The following CSMD3 variants were observed in gnomAD, a reference collection of about 807,000 sequenced individuals.
CSMD3 encodes the protein CUB and sushi domain-containing protein 3.
CSMD3 carries 177 observed loss-of-function variants against 435.2 expected under a neutral mutation model. That is an observed-to-expected ratio of 0.41 (90% CI 0.36 to 0.46). The LOEUF is 0.46. Ranked by LOEUF, CSMD3 falls within the 20% of genes least tolerant of loss-of-function variation. The probability of loss-of-function intolerance (pLI) is 0.34; values close to 1 mark genes in which losing one functional copy is unlikely to be tolerated. For synonymous variants in CSMD3, 1,656 were observed against 1,520.5 expected (o/e 1.09, Z -2.07); for missense variants, 4,265 against 4,504.6 (o/e 0.95, Z 1.52).
Position 112,367,006 on chromosome 8 carries a change from C to G in CSMD3, c.6136+13346G>C, listed in dbSNP as rs1827846007. On this transcript the variant is annotated intron_variant, in intron 38 of 70. Coordinates refer to ENST00000297405, the MANE Select transcript of CSMD3 (RefSeq NM_198123.2). ...AATTTTTCTATAATTCAATTTTTCT[C>G]TAAACCTTTTGTAGTCCCTTCATAT... Among the ~76,000 whole-genome samples, 3 of 152,066 alleles carry G rather than the reference C, an allele frequency of 2.0e-5. 1 individual carries two copies. The highest frequency in any genetic ancestry group is 6.9e-3 in the Middle Eastern group (2 of 290).
At chr8:112,987,875 C>T (rs2085311904) in intron 6 of CSMD3, among the ~76,000 whole-genome samples, 1 of 151,802 alleles carries the variant, frequency 6.6e-6, no homozygotes, top group South Asian at 2.1e-4. Context: ...GTTTTTGTTT[C>T]CTGAGAGTCT....
Position 113,032,148 on chromosome 8 carries a change from T to TC in CSMD3, c.918-12970_918-12969insG, listed in dbSNP as rs1422357739. ...TGTGATAACAGACTAATACAGAGAG[T>TC]TGGTACTAGTAGAGCGAGTTACTCC... is the stretch of plus-strand genomic sequence containing the variant. On this transcript the variant is annotated intron_variant, in intron 5 of 70. Coordinates refer to ENST00000297405, the MANE Select transcript of CSMD3 (RefSeq NM_198123.2). Among the ~76,000 whole-genome samples the TC allele has an allele frequency of 2.6e-5, 4 of 151,478 alleles. No homozygotes were observed. In the East Asian group the frequency reaches 7.7e-4, roughly 29 times the overall value.
chr8:112,770,909 G>T (rs1346702283), intron 13 of CSMD3, among the ~76,000 whole-genome samples: 1 of 151,800 alleles, frequency 6.6e-6, no homozygotes, highest in East Asian at 1.9e-4. Flanking sequence ...TGTAAACTAG[G>T]ATTTTCAAAC....
chr8:113,346,775 T>C (rs909551683), intron 1 of CSMD3, among the ~76,000 whole-genome samples: 4 of 152,134 alleles, frequency 2.6e-5, no homozygotes, highest in Non-Finnish European at 4.4e-5. Context: ...TGAATGACCA[T>C]GAATAATGCT....
intron 13 of CSMD3, among the ~76,000 whole-genome samples, chr8:112,753,569 C>T (rs1362982577): frequency 6.6e-6 from 1 of 152,098 alleles, no homozygotes; most frequent in East Asian, 1.9e-4. Flanking sequence ...GTTTCAGGAG[C>T]CTCTATATGC....
intron 27 of CSMD3, among the ~76,000 whole-genome samples, chr8:112,544,058 G>T (rs771747776): frequency 3.3e-5 from 5 of 152,068 alleles, no homozygotes; most frequent in African/African-American, 4.8e-5. Flanking sequence ...GTTTTTTCCA[G>T]GGGCTTAGGG....
chr8:113,146,441 C>T (rs1157224126), intron 4 of CSMD3, among the ~76,000 whole-genome samples: 4 of 151,532 alleles, frequency 2.6e-5, no homozygotes, highest in Non-Finnish European at 5.9e-5. Context: ...TTGATTTACA[C>T]TCTAGCTCAA....
intron 10 of CSMD3, among the ~76,000 whole-genome samples, chr8:112,860,328 G>C (rs1421569967): frequency 6.6e-6 from 1 of 151,620 alleles, no homozygotes; most frequent in Non-Finnish European, 1.5e-5. Context: ...TGATTTAATA[G>C]TTACAGTACT....
intron 31 of CSMD3, among the ~76,000 whole-genome samples, chr8:112,490,743 C>G (rs771434322): frequency 5.3e-5 from 8 of 151,818 alleles, no homozygotes; most frequent in Non-Finnish European, 1.0e-4. Context: ...AAGTTATTTT[C>G]TATGTTTAAT....
At chr8:112,924,066 G>C (rs1366554759) in intron 9 of CSMD3, among the ~76,000 whole-genome samples, 3 of 152,150 alleles carry the variant, frequency 2.0e-5, no homozygotes, top group African/African-American at 7.2e-5. Flanking sequence ...GAAGCAATTA[G>C]GGGTTGTGGT....
chr8:112,555,845 G>T (rs1034507289), intron 25 of CSMD3, among the ~76,000 whole-genome samples: 1 of 151,886 alleles, frequency 6.6e-6, no homozygotes, highest in Non-Finnish European at 1.5e-5. Flanking sequence ...AAGTCAAATT[G>T]CACATTAAAT....
At chr8:112,349,516 A>T (rs1825958697) in intron 40 of CSMD3, among the ~76,000 whole-genome samples, 2 of 152,062 alleles carry the variant, frequency 1.3e-5, no homozygotes, top group Admixed American at 6.6e-5. Flanking sequence ...AGCAGAAAAA[A>T]ACATATTTAT....
intron 12 of CSMD3, among the ~76,000 whole-genome samples, chr8:112,827,160 CATAAATAT>C (rs1281718964): frequency 0.015 from 569 of 38,668 alleles, 35 homozygotes; most frequent in African/African-American, 0.042. Flanking sequence ...ACTAGGTTAC[CATAAATAT>C]ATATATATAT....
rs781461013 is a variant in CSMD3, at chr8:112,289,420, T to C, written c.9093A>G (p.Ser3031=). Residue 3031 remains serine, a synonymous_variant, in exon 57 of 71, where the codon TCA becomes TCG. Transcript: ENST00000297405. ...CTGKRSLLGQ[S]SRTCQLNGHW... is the part of the protein sequence containing the mutation. ...GGCCATTCAATTGGCAGGTTCTTGA[T>C]GACTGGCCTAAAAGGGAACGCTTTC... is the stretch of plus-strand genomic sequence containing the variant. 5 of 1,613,506 alleles carry C rather than the reference T, an allele frequency of 3.1e-6. No homozygotes were observed. The highest frequency in any genetic ancestry group is 4.2e-6 in the Non-Finnish European group (5 of 1,179,616).
rs1322099621 is a variant in CSMD3 at position 113,030,381 on chromosome 8, T to C, written c.918-11202A>G. Among the ~76,000 whole-genome samples, 7 of 112,052 alleles carry C rather than the reference T, an allele frequency of 6.2e-5. No individual in the cohort carries two copies. In the East Asian group the frequency reaches 1.0e-3, roughly 16 times the overall value. The allele number at this position is 112,052 out of a possible 152,430, so 73.5% of individuals were successfully genotyped here. On this transcript the variant is annotated intron_variant, in intron 5 of 70. Transcript: ENST00000297405. ...AACACTACCTGATTTCAAACTACAG[T>C]ATAAGGCCATAGTCACCAAAACACT...
At chr8:113,116,552 C>T (rs750921600) in intron 4 of CSMD3, among the ~76,000 whole-genome samples, 5 of 152,026 alleles carry the variant, frequency 3.3e-5, no homozygotes, top group South Asian at 4.1e-4. Context: ...GTACAGGGAG[C>T]GGGGCACTTA....
intron 37 of CSMD3, among the ~76,000 whole-genome samples, chr8:112,383,304 T>C (rs1178816746): frequency 6.6e-6 from 1 of 152,062 alleles, no homozygotes; most frequent in African/African-American, 2.4e-5. Flanking sequence ...GAACCCTAAC[T>C]CAGCTGAAAA....
chr8:112,598,435 C>A, intron 22 of CSMD3, among the ~76,000 whole-genome samples: 1 of 148,278 alleles, frequency 6.7e-6, no homozygotes, highest in East Asian at 2.0e-4. Flanking sequence ...TGAAAATGGC[C>A]ATACTGCCCA....
rs1291439976 is a variant in CSMD3 at position 112,897,682 on chromosome 8, CTCTCTCTCTCTCTG to C, written c.1633+23931_1633+23944del. Among the ~76,000 whole-genome samples, 193 of 87,090 alleles carry C rather than the reference CTCTCTCTCTCTCTG, an allele frequency of 2.2e-3. 3 individuals are homozygous for C. The highest frequency in any genetic ancestry group is 8.0e-3 in the African/African-American group (189 of 23,720). 57.1% of individuals were successfully genotyped at this position (87,090 alleles called of 152,430 possible). ...ATACTATTTCTCTCTCTCTCTCTCTCTCTCTCTCTCTCTGTGTGTGTGTGTGTGTGTGTGTGTGT... is the reference window on the plus strand; with the variant it reads ...ATACTATTTCTCTCTCTCTCTCTCTCTGTGTGTGTGTGTGTGTGTGTGTGT... On this transcript the variant is annotated intron_variant, in intron 10 of 70. Coordinates refer to ENST00000297405, the MANE Select transcript of CSMD3 (RefSeq NM_198123.2).
Sources: gnomAD v4.1 joint callset for allele counts (sites outside exome capture counted in the v4.1 genomes callset) on GRCh38, gnomAD v4.1.1 for gene constraint, MANE v1.5 for transcripts, NCBI Gene and HGNC (gene_info 2026-07-23, HGNC 2026-07-21) for gene names.